GALNT12: variants seen among roughly 807,000 people sequenced by gnomAD.
GALNT12 encodes UDP-GalNAc:polypeptide N-acetylgalactosaminyltransferase 12.
Under a neutral mutation model 55.5 loss-of-function variants are expected in GALNT12, and 45 were observed. The ratio of observed to expected loss-of-function variants is 0.81; its 90% confidence interval spans 0.64 to 1.04. GALNT12 has a LOEUF of 1.04. GALNT12 is among the 50% of genes least tolerant of loss of function. The probability of loss-of-function intolerance (pLI) is 0.00; values close to 1 mark genes in which losing one functional copy is unlikely to be tolerated. For synonymous variants in GALNT12, 304 were observed against 312.2 expected (o/e 0.97, Z 0.28); for missense variants, 709 against 754.8 (o/e 0.94, Z 0.71).
rs1163432196 is a variant in GALNT12, at chr9:98,807,724, G to A, written c.26G>A (p.Arg9His). MWGRTARR[R>H]CPRELRRGRE... ...ATGTGGGGGCGCACGGCGCGGCGGC[G>A]CTGCCCGCGGGAACTGCGGCGCGGC... The change falls in exon 1 of 10, where the codon CGC becomes CAC. Residue 9 changes from arginine to histidine, a missense_variant. Around this residue, in one of 5 missense-constraint regions of GALNT12, gnomAD observed 110 missense variants for 102.2 expected, o/e 1.08. Transcript: ENST00000375011. 2 of 1,180,854 alleles carry A rather than the reference G, an allele frequency of 1.7e-6. No individual in the cohort carries two copies. Among genetic ancestry groups the A allele is most frequent in the Non-Finnish European group, 1.0e-6 (1 of 952,638 alleles). 73.1% of individuals were successfully genotyped at this position (1,180,854 alleles called of 1,614,324 possible).
chr9:98,833,444 C>G (rs1474000486), intron 4 of GALNT12, among the ~76,000 whole-genome samples: 1 of 152,022 alleles, frequency 6.6e-6, no homozygotes, highest in Non-Finnish European at 1.5e-5. Flanking sequence ...TGGACTTGAC[C>G]CTGAGCAGGT....
intron 1 of GALNT12, among the ~76,000 whole-genome samples, chr9:98,821,206 C>T (rs930698588): frequency 2.0e-5 from 3 of 152,054 alleles, no homozygotes; most frequent in African/African-American, 7.2e-5. Flanking sequence ...GATGGAGTTT[C>T]ACCATGTTGG....
Position 98,815,104 on chromosome 9 carries a change from C to T in GALNT12, c.371+7035C>T, listed in dbSNP as rs142544599. 5.3e-3 allele frequency among the ~76,000 whole-genome samples: 800 copies of T among 152,274 alleles called. 7 individuals carry two copies. The highest frequency in any genetic ancestry group is 0.018 in the African/African-American group (750 of 41,568). On this transcript the variant is annotated intron_variant, in intron 1 of 9. Coordinates refer to ENST00000375011, the MANE Select transcript of GALNT12 (RefSeq NM_024642.5). ...GCTGTCTTTGTATGATCAAAAGATG[C>T]ACAGCTTTTTATTAGTCAGGAAAAG...
intron 1 of GALNT12, among the ~76,000 whole-genome samples, chr9:98,814,438 G>A (rs1835568863): frequency 6.6e-6 from 1 of 152,218 alleles, no homozygotes; most frequent in Non-Finnish European, 1.5e-5. Flanking sequence ...GCTGGGTGCA[G>A]TGGGTCATGC....
rs189097050 is a variant in GALNT12, at chr9:98,826,953, G to A, written c.731+12G>A. 69 of 1,553,286 alleles carry A rather than the reference G, an allele frequency of 4.4e-5. 1 individual carries two copies. The South Asian group carries it at 4.6e-4, about 10-fold the overall frequency. ...CCGCTGCTGCAGAGGTACGTGAGCC[G>A]CCCACCATGGGAGAGACAGCATGTT... On this transcript the variant is annotated intron_variant, in intron 3 of 9. Transcript: ENST00000375011.
At chr9:98,845,504 C>T (rs571334350) in intron 8 of GALNT12, among the ~76,000 whole-genome samples, 15 of 152,258 alleles carry the variant, frequency 9.9e-5, no homozygotes, top group Middle Eastern at 3.4e-3. Flanking sequence ...CAAGTCTTCC[C>T]GTTAGCGGTC....
At chr9:98,836,456 C>G (rs1836148478) in intron 5 of GALNT12, among the ~76,000 whole-genome samples, 1 of 152,192 alleles carries the variant, frequency 6.6e-6, no homozygotes, top group African/African-American at 2.4e-5. Context: ...TCAAGGCTGT[C>G]AGTCCCAGTG....
rs767946700 is a variant in GALNT12 at position 98,826,914 on chromosome 9, A to G, written c.704A>G (p.Glu235Gly). The G allele has an allele frequency of 6.1e-5, 96 of 1,572,544 alleles. No homozygotes were observed. Among genetic ancestry groups the G allele is most frequent in the Non-Finnish European group, 7.9e-5 (91 of 1,159,044 alleles). The change falls in exon 3 of 10, where the codon GAA (glutamate) becomes GGA (glycine). Residue 235 changes from glutamate to glycine, a missense_variant. Around this residue, in one of 5 missense-constraint regions of GALNT12, gnomAD observed 315 missense variants for 288.6 expected, o/e 1.09. Coordinates refer to ENST00000375011, the MANE Select transcript of GALNT12 (RefSeq NM_024642.5). ...CTGGACTGTCACTGTGAGTGCCACG[A>G]AGGGTGGCTGGAGCCGCTGCTGCAG... Reference protein sequence around the residue: ...TFLDCHCECHEGWLEPLLQRI... With the variant: ...TFLDCHCECHGGWLEPLLQRI...
chr9:98,839,940 A>G (rs899751356), intron 6 of GALNT12, 62 bp from the exon 7 acceptor site: 54 of 1,608,594 alleles, frequency 3.4e-5, no homozygotes, highest in Non-Finnish European at 4.2e-5. Flanking sequence ...ATCAGTGAAC[A>G]CAGGGGCTTT....
rs1835406969 is a variant in GALNT12, at chr9:98,807,772, T to C, written c.74T>C (p.Leu25Pro). ...GGCCGGGAGGCGCTGTTGGTGCTCC[T>C]GGCGCTACTGGCGTTGGCCGGGCTG... ...RRGREALLVLLALLALAGLGS... is the reference protein window; with the variant it reads ...RRGREALLVLPALLALAGLGS... The change falls in exon 1 of 10, where the codon CTG (leucine) becomes CCG (proline). Residue 25 changes from leucine (L) to proline (P), a missense_variant. Physicochemically the swap from Leu to Pro is moderately conservative, Grantham distance 98. Around this residue, in one of 5 missense-constraint regions of GALNT12, gnomAD observed 110 missense variants for 102.2 expected, o/e 1.08. Coordinates refer to ENST00000375011, the MANE Select transcript of GALNT12 (RefSeq NM_024642.5). 1 of 1,157,772 alleles carries C rather than the reference T, an allele frequency of 8.6e-7. No homozygotes were observed. Among genetic ancestry groups the C allele is most frequent in the Non-Finnish European group, 1.1e-6 (1 of 937,404 alleles). The allele number at this position is 1,157,772 out of a possible 1,614,324, so 71.7% of individuals were successfully genotyped here.
chr9:98,837,628 C>CT (rs1836186375), intron 6 of GALNT12, among the ~76,000 whole-genome samples: 1 of 152,166 alleles, frequency 6.6e-6, no homozygotes, highest in African/African-American at 2.4e-5. Context: ...TTTAGGAACA[C>CT]TAGGTAGCAC....
intron 2 of GALNT12, among the ~76,000 whole-genome samples, 178 bp from the exon 3 acceptor site, chr9:98,826,574 G>C (rs1324256427): frequency 6.6e-6 from 1 of 152,070 alleles, no homozygotes; most frequent in East Asian, 1.9e-4. Context: ...CTGGCCTTCG[G>C]AGCACTTCCA....
Position 98,831,954 on chromosome 9 carries a change from T to C in GALNT12, c.914T>C (p.Ile305Thr), listed in dbSNP as rs1836010243. ...RIRMQSPVDV[I>T]RSPTMAGGLF... is the part of the protein sequence containing the mutation. ...CGGATGCAATCCCCCGTCGATGTCATCAGGTCAGGAGCTGACTTCTGGGTG... is the reference window on the plus strand; with the variant it reads ...CGGATGCAATCCCCCGTCGATGTCACCAGGTCAGGAGCTGACTTCTGGGTG... The change falls in exon 4 of 10, where the codon ATC becomes ACC. Residue 305 changes from isoleucine to threonine, a missense_variant. Ile to Thr is a moderately conservative substitution (Grantham distance 89). This residue lies in a region of GALNT12 where 315 missense variants were observed against 288.6 expected (regional missense o/e 1.09). Coordinates refer to ENST00000375011, the MANE Select transcript of GALNT12 (RefSeq NM_024642.5). 2 of 1,613,620 alleles carry C rather than the reference T, an allele frequency of 1.2e-6. No homozygotes were observed. Among genetic ancestry groups the C allele is most frequent in the Non-Finnish European group, 1.7e-6 (2 of 1,179,722 alleles).
At chr9:98,838,294 C>T (rs1167808697) in intron 6 of GALNT12, among the ~76,000 whole-genome samples, 1 of 152,250 alleles carries the variant, frequency 6.6e-6, no homozygotes, top group Non-Finnish European at 1.5e-5. Flanking sequence ...TCATGGAAAC[C>T]CCCCCACCGC....
At chr9:98,819,922 G>A (rs775140710) in intron 1 of GALNT12, among the ~76,000 whole-genome samples, 6 of 152,148 alleles carry the variant, frequency 3.9e-5, no homozygotes, top group Non-Finnish European at 5.9e-5. Context: ...AGCCTTTAAC[G>A]TGGGAGCAAT....
chr9:98,840,081 CTG>C lies in GALNT12; in HGVS notation c.1296_1297del (p.Tyr433SerfsTer7), dbSNP rs1836249920. The C allele has an allele frequency of 6.2e-7, 1 of 1,614,054 alleles. No homozygotes were observed. Among genetic ancestry groups the C allele is most frequent in the African/African-American group, 1.3e-5 (1 of 74,928 alleles). On this transcript the variant is annotated frameshift_variant, in exon 7 of 10. Coordinates refer to ENST00000375011, the MANE Select transcript of GALNT12 (RefSeq NM_024642.5). LOFTEE classifies it high-confidence loss of function. Reference sequence around the variant, plus strand: ...AAAGACTTCAAGTGGTTCTTGGAGACTGTGTATCCAGAACTGCATGTGCCTGA... The same window carrying C: ...AAAGACTTCAAGTGGTTCTTGGAGACTGTATCCAGAACTGCATGTGCCTGA...
At chr9:98,837,183 T>C (rs766816049) in intron 6 of GALNT12, 35 bp downstream of exon 6, 1 of 1,609,820 alleles carries the variant, frequency 6.2e-7, no homozygotes, top group African/African-American at 1.3e-5. Flanking sequence ...TCCATCTGGC[T>C]TCATCTGAAC....
intron 1 of GALNT12, among the ~76,000 whole-genome samples, chr9:98,822,501 C>T (rs1835766922): frequency 1.3e-5 from 2 of 152,190 alleles, no homozygotes; most frequent in African/African-American, 2.4e-5. Context: ...TGGGTGGGCT[C>T]AGCCCCACCC....
chr9:98,824,034 G>A (rs1835807841), intron 2 of GALNT12, among the ~76,000 whole-genome samples: 1 of 152,344 alleles, frequency 6.6e-6, no homozygotes, highest in East Asian at 1.9e-4. Context: ...AGCAGGTAGA[G>A]CTGTGGGCTT....
Sources: allele counts gnomAD v4.1 joint callset (sites outside exome capture counted in the v4.1 genomes callset), GRCh38; gene constraint gnomAD v4.1.1; regional missense constraint gnomAD v4.1.1; transcripts MANE v1.5; gene names NCBI Gene and HGNC (gene_info 2026-07-23, HGNC 2026-07-21).